ESYT2: variants seen among roughly 807,000 people sequenced by gnomAD.
ESYT2 encodes extended synaptotagmin-2.
Under a neutral mutation model 107.2 loss-of-function variants are expected in ESYT2, and 54 were observed. The observed-to-expected ratio is 0.50, with a 90% CI of 0.40 to 0.63. The LOEUF (loss-of-function observed/expected upper bound fraction) is 0.63. Ranked by LOEUF, ESYT2 falls within the 30% of genes least tolerant of loss-of-function variation. The pLI is 0.00. For synonymous variants in ESYT2, 491 were observed against 434.1 expected (o/e 1.13, Z -1.63); for missense variants, 1,020 against 1,094.5 (o/e 0.93, Z 0.96).
At chr7:158,753,936 G>A (rs1837667216) in intron 13 of ESYT2, among the ~76,000 whole-genome samples, 1 of 152,102 alleles carries the variant, frequency 6.6e-6, no homozygotes, top group South Asian at 2.1e-4. Context: ...GGATAGATAT[G>A]GGCTGTACCA....
intron 6 of ESYT2, among the ~76,000 whole-genome samples, chr7:158,782,662 A>G (rs531558471): frequency 1.3e-5 from 2 of 152,070 alleles, no homozygotes; most frequent in Non-Finnish European, 2.9e-5. Context: ...GTATTAAAGA[A>G]CAAGTGTGAG....
chr7:158,746,564 C>T (rs892809208), intron 16 of ESYT2, among the ~76,000 whole-genome samples: 1 of 151,042 alleles, frequency 6.6e-6, no homozygotes, highest in Non-Finnish European at 1.5e-5. Context: ...CAGTGTGATA[C>T]TGGCATAAAG....
chr7:158,825,387 A>C (rs1292884132), intron 1 of ESYT2, among the ~76,000 whole-genome samples: 2 of 152,252 alleles, frequency 1.3e-5, no homozygotes, highest in Non-Finnish European at 2.9e-5. Flanking sequence ...CACAGGGTAG[A>C]CACTTAAACA....
chr7:158,825,093 G>C (rs1840400215), intron 1 of ESYT2, among the ~76,000 whole-genome samples: 1 of 152,152 alleles, frequency 6.6e-6, no homozygotes, highest in African/African-American at 2.4e-5. Flanking sequence ...AGGAGTTTGA[G>C]ACCAGCCTGG....
In ESYT2 at chr7:158,808,805, C is replaced by A. The variant is rs1487475190; in HGVS notation, c.331-9733G>T. Among the ~76,000 whole-genome samples, 5 of 50,794 alleles carry A rather than the reference C, an allele frequency of 9.8e-5. No individual in the cohort carries two copies. In the East Asian group the frequency reaches 1.2e-3, roughly 12 times the overall value. 33.3% of individuals were successfully genotyped at this position (50,794 alleles called of 152,430 possible). On this transcript the variant is annotated intron_variant, in intron 1 of 22. Coordinates refer to ENST00000275418, the MANE Select transcript of ESYT2 (RefSeq NM_001367773.1). ...GCCAACATGCGAAATCCCATCTCTA[C>A]TAAAAAAAAAAAAAAAAAATTAACG...
chr7:158,783,116 G>A (rs968755456), intron 6 of ESYT2, among the ~76,000 whole-genome samples: 1 of 152,166 alleles, frequency 6.6e-6, no homozygotes, highest in African/African-American at 2.4e-5. Flanking sequence ...AGTGGAACAG[G>A]CATTTCCAAA....
chr7:158,764,568 T>C (rs1838084086), intron 9 of ESYT2, 109 bp downstream of exon 9: 1 of 1,104,566 alleles, frequency 9.1e-7, no homozygotes, highest in Non-Finnish European at 1.3e-6. Flanking sequence ...ATTTAAATGA[T>C]GGCCTAAATG....
rs1836832014 is a variant in ESYT2, at chr7:158,734,061, A to C, written c.*146T>G. On this transcript the variant is annotated 3_prime_UTR_variant, in exon 23 of 23. Coordinates refer to ENST00000275418, the MANE Select transcript of ESYT2 (RefSeq NM_001367773.1). Reference sequence around the variant, plus strand: ...TGATAATATTGGCCAAATTTGCCTGAAATGTCAACAATTTTATAAAACTAT... The same window carrying C: ...TGATAATATTGGCCAAATTTGCCTGCAATGTCAACAATTTTATAAAACTAT... 1.9e-6 allele frequency: 2 copies of C among 1,037,476 alleles called. No individual in the cohort carries two copies. Among genetic ancestry groups the C allele is most frequent in the African/African-American group, 3.3e-5 (2 of 61,030 alleles). 64.3% of individuals were successfully genotyped at this position (1,037,476 alleles called of 1,614,324 possible).
intron 1 of ESYT2, among the ~76,000 whole-genome samples, chr7:158,801,556 CTG>C (rs1226519046): frequency 6.6e-6 from 1 of 152,186 alleles, no homozygotes; most frequent in Non-Finnish European, 1.5e-5. Context: ...CAGAGAAAGA[CTG>C]GGACACACAG....
In ESYT2 at chr7:158,798,082, A is replaced by G. The variant is rs1330996340; in HGVS notation, c.373-6T>C. The G allele has an allele frequency of 6.2e-7, 1 of 1,613,870 alleles. No homozygotes were observed. Among genetic ancestry groups the G allele is most frequent in the African/African-American group, 1.3e-5 (1 of 74,894 alleles). On this transcript the variant is annotated splice_region_variant and splice_polypyrimidine_tract_variant and intron_variant, in intron 2 of 22. Coordinates refer to ENST00000275418, the MANE Select transcript of ESYT2 (RefSeq NM_001367773.1). ...GGCCACATGTGTTTTACAGTCTGGA[A>G]AGGAAAAAGAACTCAGTTTAAACAA...
intron 19 of ESYT2, among the ~76,000 whole-genome samples, chr7:158,737,921 AAC>A (rs1293543036): frequency 6.6e-6 from 1 of 152,250 alleles, no homozygotes; most frequent in East Asian, 1.9e-4. Context: ...CAATTAATGC[AAC>A]AGTCACCTGA....
rs369131281 is a variant in ESYT2, at chr7:158,759,103, G to A, written c.1419+383C>T. Among the ~76,000 whole-genome samples, 77 of 152,268 alleles carry A rather than the reference G, an allele frequency of 5.1e-4. No homozygotes were observed. The East Asian group carries it at 0.014, about 29-fold the overall frequency. ...CCCAGCAGCTCACGCACGGCCCTGC[G>A]ACAGCCATGAGGAATCTGCATTTTG... On this transcript the variant is annotated intron_variant, in intron 13 of 22. Coordinates refer to ENST00000275418, the MANE Select transcript of ESYT2 (RefSeq NM_001367773.1).
intron 4 of ESYT2, among the ~76,000 whole-genome samples, chr7:158,791,276 G>T (rs1383642021): frequency 6.6e-6 from 1 of 152,302 alleles, no homozygotes; most frequent in East Asian, 1.9e-4. Context: ...TGGAGCAGGA[G>T]TCCCGTGTTT....
At position 158,760,089 on chromosome 7, in the gene ESYT2, G is replaced by A. The variant is rs770672555; in HGVS notation, c.1292C>T (p.Thr431Met). ...GKLHLRLEWL[T>M]LMPNASNLDK... Reference sequence around the variant, plus strand: ...GAGGTTTGACGCATTTGGCATTAACGTGAGCCACTCCAGTCTCAAGTGTAG... The same window carrying A: ...GAGGTTTGACGCATTTGGCATTAACATGAGCCACTCCAGTCTCAAGTGTAG... Residue 431 changes from threonine (T) to methionine (M), a missense_variant, in exon 12 of 23, where the codon ACG becomes ATG. Thr to Met is a moderately conservative substitution (Grantham distance 81). Transcript: ENST00000275418. The A allele has an allele frequency of 5.6e-6, 9 of 1,614,064 alleles. No individual in the cohort carries two copies. Among genetic ancestry groups the A allele is most frequent in the South Asian group, 5.5e-5 (5 of 91,088 alleles).
chr7:158,794,119 C>T (rs564003607), intron 3 of ESYT2, among the ~76,000 whole-genome samples: 2 of 152,398 alleles, frequency 1.3e-5, no homozygotes, highest in Admixed American at 1.3e-4. Context: ...TTGACCCTTT[C>T]CCTCTACTCC....
At chr7:158,763,423 T>C (rs1838044750) in intron 9 of ESYT2, among the ~76,000 whole-genome samples, 1 of 151,926 alleles carries the variant, frequency 6.6e-6, no homozygotes, top group Non-Finnish European at 1.5e-5. Flanking sequence ...GCCTCCCAAG[T>C]AGCTGGGATT....
chr7:158,754,117 G>A (rs1837674091), intron 13 of ESYT2, among the ~76,000 whole-genome samples: 1 of 152,168 alleles, frequency 6.6e-6, no homozygotes, highest in African/African-American at 2.4e-5. Flanking sequence ...CCCGTCGGGA[G>A]GCCTCTGGAG....
intron 19 of ESYT2, among the ~76,000 whole-genome samples, chr7:158,737,579 C>T (rs1461547887): frequency 4.6e-5 from 7 of 152,126 alleles, no homozygotes; most frequent in Non-Finnish European, 8.8e-5. Context: ...GCAGCAAACG[C>T]GGTCAGGTGC....
At chr7:158,827,666 C>T (rs1178564775) in intron 1 of ESYT2, 2 of 148,658 alleles carry the variant, frequency 1.3e-5, no homozygotes, top group African/African-American at 4.9e-5. Context: ...GCATCTACTA[C>T]CTTCTTCTTG....
Sources: allele counts gnomAD v4.1 joint callset (sites outside exome capture counted in the v4.1 genomes callset), GRCh38; gene constraint gnomAD v4.1.1; transcripts MANE v1.5; gene names NCBI Gene and HGNC (gene_info 2026-07-23, HGNC 2026-07-21).